Variants in PDE8B observed in about 807,000 individuals in gnomAD.
The protein encoded by PDE8B is high affinity cAMP-specific and IBMX-insensitive 3',5'-cyclic phosphodiesterase 8B.
A neutral mutation model predicts 101.3 loss-of-function variants in PDE8B; 26 were observed. That is an observed-to-expected ratio of 0.26 (90% confidence interval 0.19 to 0.36). PDE8B has a LOEUF of 0.36. PDE8B is among the 10% of genes least tolerant of loss of function. PDE8B has a pLI of 1.00. For synonymous variants in PDE8B, 424 were observed against 429.3 expected, an observed-to-expected ratio of 0.99 and a Z score of 0.15; for missense variants, 810 against 1,163.1, an observed-to-expected ratio of 0.70 and a Z score of 4.42.
chr5:77,422,536 A>T (rs540744912), intron 20 of PDE8B, among the ~76,000 whole-genome samples: 2 of 152,368 alleles, frequency 1.3e-5, no homozygotes, highest in African/African-American at 4.8e-5. Flanking sequence ...GGAAGAACAA[A>T]GCATTCTGAG....
In PDE8B at chr5:77,347,680, A is replaced by G. The variant is rs139847626; in HGVS notation, c.877-1739A>G. Among the ~76,000 whole-genome samples, 594 of 152,324 alleles carry G rather than the reference A, an allele frequency of 3.9e-3. 1 individual carries two copies. Among genetic ancestry groups the G allele is most frequent in the Admixed American group, 6.6e-3 (101 of 15,304 alleles). On this transcript the variant is annotated intron_variant, in intron 7 of 21. Transcript: ENST00000264917. ...TTAAATTCGGTGTAATAAGTCACTG[A>G]AAGTCTGCACAGGCATCAGTGGCAG...
intron 1 of PDE8B, among the ~76,000 whole-genome samples, chr5:77,235,704 C>T (rs962633130): frequency 6.6e-6 from 1 of 151,544 alleles, no homozygotes; most frequent in Non-Finnish European, 1.5e-5. Context: ...TCTTCATATC[C>T]TTCTCTTTTT....
intron 10 of PDE8B, among the ~76,000 whole-genome samples, chr5:77,387,903 G>A (rs554632433): frequency 1.3e-5 from 2 of 151,750 alleles, no homozygotes; most frequent in Non-Finnish European, 1.5e-5. Context: ...TGAAGTTCTC[G>A]TGCTGTGTTT....
At chr5:77,418,003 G>A (rs1012363496) in intron 17 of PDE8B, among the ~76,000 whole-genome samples, 33 of 152,304 alleles carry the variant, frequency 2.2e-4, no homozygotes, top group African/African-American at 5.8e-4. Context: ...TGAATTAAGC[G>A]TCTGCTGTAA....
At chr5:77,116,264 C>G in the PDE8B span, among the ~76,000 whole-genome samples, 12 of 124,834 alleles carry the variant, frequency 9.6e-5, no homozygotes, top group South Asian at 2.9e-3. Flanking sequence ...CAGAGTCTCA[C>G]TCTTTCACCC....
At chr5:77,178,169 T>G in the PDE8B span, among the ~76,000 whole-genome samples, 1 of 152,226 alleles carries the variant, frequency 6.6e-6, no homozygotes, top group African/African-American at 2.4e-5. Context: ...GCTTTTCTTT[T>G]TCTTTTATAG....
chr5:77,169,197 A>G, the PDE8B span, among the ~76,000 whole-genome samples: 1 of 152,192 alleles, frequency 6.6e-6, no homozygotes. Context: ...TTGGAAACAA[A>G]GTGTTTCCCG....
chr5:77,351,175 C>G lies in PDE8B; in HGVS notation c.1106+22C>G, dbSNP rs1473753671. 6 of 1,560,920 alleles carry G rather than the reference C, an allele frequency of 3.8e-6. No individual in the cohort carries two copies. In the East Asian group the frequency reaches 1.3e-4, roughly 35 times the overall value. ...GAGGGTGAGAGCAAACTGTTCAACT[C>G]TTTTAGCTGAAGATAAAGACTCAAG... On this transcript the variant is annotated intron_variant, in intron 9 of 21. Coordinates refer to ENST00000264917, the MANE Select transcript of PDE8B (RefSeq NM_003719.5).
the PDE8B span, among the ~76,000 whole-genome samples, chr5:77,091,833 A>C: frequency 1.3e-5 from 2 of 152,190 alleles, no homozygotes; most frequent in Non-Finnish European, 2.9e-5. Flanking sequence ...CTTTAAACTG[A>C]CCACGTAATG....
intron 5 of PDE8B, among the ~76,000 whole-genome samples, chr5:77,335,084 G>A (rs1349387735): frequency 6.6e-6 from 1 of 152,170 alleles, no homozygotes; most frequent in East Asian, 1.9e-4. Context: ...AGAAAATACA[G>A]ATAAGCTAAA....
intron 19 of PDE8B, among the ~76,000 whole-genome samples, chr5:77,421,285 G>C (rs913016561): frequency 6.6e-6 from 1 of 152,178 alleles, no homozygotes; most frequent in East Asian, 1.9e-4. Context: ...ACCAAAGTGC[G>C]AGAGAGTTGG....
intron 7 of PDE8B, 110 bp downstream of exon 7, chr5:77,345,041 C>T: frequency 1.3e-6 from 1 of 771,230 alleles, no homozygotes; most frequent in Non-Finnish European, 2.4e-6. Context: ...AGCACATTTT[C>T]TTAGGAGAAA....
intron 1 of PDE8B, among the ~76,000 whole-genome samples, chr5:77,240,928 T>C (rs1369939500): frequency 6.6e-6 from 1 of 152,248 alleles, no homozygotes; most frequent in African/African-American, 2.4e-5. Flanking sequence ...TTTTCCTAAA[T>C]AAGCATGTTT....
At chr5:77,285,133 T>A (rs773199548) in intron 1 of PDE8B, among the ~76,000 whole-genome samples, 1 of 152,186 alleles carries the variant, frequency 6.6e-6, no homozygotes, top group African/African-American at 2.4e-5. Flanking sequence ...TGAATAGAAA[T>A]GTAATGTAGT....
In PDE8B at chr5:77,398,349, T is replaced by A. The variant is rs1411486280; in HGVS notation, c.1168-1899T>A. Among the ~76,000 whole-genome samples, 3 of 140,286 alleles carry A rather than the reference T, an allele frequency of 2.1e-5. No homozygotes were observed. In the East Asian group the frequency reaches 6.3e-4, roughly 30 times the overall value. 92.0% of individuals were successfully genotyped at this position (140,286 alleles called of 152,430 possible). ...TTTTTTTTTTTTTTTTGAAATGGAG[T>A]CTCACTCTGTTGCCCAGGCTGGAGT... On this transcript the variant is annotated intron_variant, in intron 10 of 21. Transcript: ENST00000264917.
the PDE8B span, among the ~76,000 whole-genome samples, chr5:77,102,942 A>G: frequency 1.3e-5 from 2 of 152,228 alleles, no homozygotes; most frequent in Non-Finnish European, 2.9e-5. Context: ...TGGTCAGAGT[A>G]GGTCGGGCAG....
At chr5:77,385,740 A>G (rs549296849) in intron 10 of PDE8B, among the ~76,000 whole-genome samples, 8 of 148,450 alleles carry the variant, frequency 5.4e-5, no homozygotes, top group African/African-American at 1.7e-4. Context: ...CCCAGTAGTC[A>G]TTCAGGAGCA....
At chr5:77,299,948 G>T (rs144757080) in intron 1 of PDE8B, among the ~76,000 whole-genome samples, 1 of 152,338 alleles carries the variant, frequency 6.6e-6, no homozygotes, top group Admixed American at 6.5e-5. Flanking sequence ...AGTCTTCTAA[G>T]ATCAGGGGCT....
chr5:77,399,426 C>T (rs1791763984), intron 10 of PDE8B, among the ~76,000 whole-genome samples: 1 of 152,218 alleles, frequency 6.6e-6, no homozygotes, highest in Non-Finnish European at 1.5e-5. Flanking sequence ...ACTCATCTGT[C>T]TTATTTTTCA....
Sources: gnomAD v4.1 joint callset for allele counts (sites outside exome capture counted in the v4.1 genomes callset) on GRCh38, gnomAD v4.1.1 for gene constraint, MANE v1.5 for transcripts, NCBI Gene and HGNC (gene_info 2026-07-23, HGNC 2026-07-21) for gene names.